Variants in NEDD4L observed in about 807,000 individuals in gnomAD.
The protein encoded by NEDD4L is E3 ubiquitin-protein ligase NEDD4-like.
A neutral mutation model predicts 148.9 loss-of-function variants in NEDD4L; 54 were observed. That is an observed-to-expected ratio of 0.36 (90% CI 0.29 to 0.45). The LOEUF (loss-of-function observed/expected upper bound fraction) is 0.45. Ranked by LOEUF, NEDD4L falls within the 20% of genes least tolerant of loss-of-function variation. The probability of loss-of-function intolerance (pLI) is 1.00; values close to 1 mark genes in which losing one functional copy is unlikely to be tolerated. For missense variants in NEDD4L, 856 were observed against 1,233.8 expected (o/e 0.69, Z 4.59); for synonymous variants, 433 against 440.7 (o/e 0.98, Z 0.22).
chr18:58,255,781 C>G, intron 5 of NEDD4L: 1 of 1,232,574 alleles, frequency 8.1e-7, no homozygotes, highest in Non-Finnish European at 1.0e-6. Flanking sequence ...CGCACCCCTT[C>G]GCCCAGAACG....
intron 1 of NEDD4L, among the ~76,000 whole-genome samples, chr18:58,153,333 A>G (rs1314755095): frequency 1.4e-5 from 2 of 138,650 alleles, no homozygotes; most frequent in Non-Finnish European, 3.1e-5. Flanking sequence ...GAAGAGATTG[A>G]CTTTTTTTTT....
At chr18:58,367,980 G>A (rs2046337161) in intron 22 of NEDD4L, 113 bp downstream of exon 22, 1 of 1,154,352 alleles carries the variant, frequency 8.7e-7, no homozygotes, top group Non-Finnish European at 1.2e-6. Context: ...TACTCATAAA[G>A]TATTTTTATG....
chr18:58,369,661 C>T (rs1237615716), intron 22 of NEDD4L, among the ~76,000 whole-genome samples: 1 of 152,126 alleles, frequency 6.6e-6, no homozygotes, highest in Non-Finnish European at 1.5e-5. Context: ...GGAGCAGAAG[C>T]AGGAGCCTGG....
At chr18:58,239,082 C>CATTA (rs1168667157) in intron 2 of NEDD4L, among the ~76,000 whole-genome samples, 1 of 152,174 alleles carries the variant, frequency 6.6e-6, no homozygotes, top group Non-Finnish European at 1.5e-5. Flanking sequence ...AACAAGTTGT[C>CATTA]ATTAACAAAA....
intron 15 of NEDD4L, 68 bp from the exon 16 acceptor site, chr18:58,342,838 C>G: frequency 7.8e-7 from 1 of 1,281,358 alleles, no homozygotes; most frequent in Non-Finnish European, 1.0e-6. Flanking sequence ...TCTGCAATAC[C>G]CAGGTACATT....
chr18:58,056,834 G>A (rs2082105656), intron 1 of NEDD4L, among the ~76,000 whole-genome samples: 1 of 150,196 alleles, frequency 6.7e-6, no homozygotes, highest in Admixed American at 6.6e-5. Context: ...ACCTGCCTCG[G>A]CCTACCAAAG....
chr18:58,225,339 C>A (rs1002193147), intron 2 of NEDD4L, among the ~76,000 whole-genome samples: 12 of 152,174 alleles, frequency 7.9e-5, no homozygotes, highest in African/African-American at 1.2e-4. Flanking sequence ...AGGGAAAAAA[C>A]CCCAGAAACT....
intron 19 of NEDD4L, among the ~76,000 whole-genome samples, chr18:58,363,004 G>A (rs964511052): frequency 6.6e-6 from 1 of 152,178 alleles, no homozygotes; most frequent in Non-Finnish European, 1.5e-5. Flanking sequence ...CTGTTGTTCA[G>A]TGGAAAATCA....
chr18:58,076,873 T>A (rs1183337010), intron 1 of NEDD4L, among the ~76,000 whole-genome samples: 1 of 148,800 alleles, frequency 6.7e-6, no homozygotes, highest in Non-Finnish European at 1.5e-5. Context: ...TTTTTTGAGA[T>A]GGAGTCTTGC....
Position 58,384,146 on chromosome 18 carries a change from A to G in NEDD4L, c.2426+827A>G, listed in dbSNP as rs1449435370. 3.3e-5 allele frequency among the ~76,000 whole-genome samples: 5 copies of G among 152,274 alleles called. No homozygotes were observed. In the East Asian group the frequency reaches 7.7e-4, roughly 24 times the overall value. On this transcript the variant is annotated intron_variant, in intron 25 of 30. Transcript: ENST00000400345. The stretch of plus-strand genomic sequence containing the variant: ...CCTTTCTTCTCATTTGGAATTGGTC[A>G]GAGGTCTTGAAATCAGACAGCTCTT...
At chr18:58,187,130 A>G (rs2039564360) in intron 2 of NEDD4L, among the ~76,000 whole-genome samples, 1 of 152,218 alleles carries the variant, frequency 6.6e-6, no homozygotes, top group Non-Finnish European at 1.5e-5. Flanking sequence ...AGGCTTTTCA[A>G]GACCCCACGG....
chr18:58,380,166 C>G (rs2048146477), intron 24 of NEDD4L, among the ~76,000 whole-genome samples: 1 of 151,328 alleles, frequency 6.6e-6, no homozygotes, highest in Non-Finnish European at 1.5e-5. Flanking sequence ...GTCACTTATT[C>G]CCAGTATCTC....
intron 1 of NEDD4L, among the ~76,000 whole-genome samples, chr18:58,080,778 A>G (rs894995758): frequency 6.6e-6 from 1 of 152,198 alleles, no homozygotes; most frequent in African/African-American, 2.4e-5. Context: ...TGGTGGAGTG[A>G]GTTGGAGCCT....
At chr18:58,253,159 A>C (rs1034965146) in intron 5 of NEDD4L, among the ~76,000 whole-genome samples, 9 of 152,192 alleles carry the variant, frequency 5.9e-5, no homozygotes, top group Non-Finnish European at 1.2e-4. Flanking sequence ...CTGGACGTTA[A>C]TAGAATATTT....
intron 1 of NEDD4L, among the ~76,000 whole-genome samples, chr18:58,117,142 CTT>C (rs1478054853): frequency 6.6e-6 from 1 of 152,216 alleles, no homozygotes; most frequent in African/African-American, 2.4e-5. Context: ...AGAACCGCCT[CTT>C]TGCTCAAGTG....
chr18:58,179,166 CGGT>C, intron 2 of NEDD4L, among the ~76,000 whole-genome samples: 1 of 152,246 alleles, frequency 6.6e-6, no homozygotes, highest in South Asian at 2.1e-4. Context: ...CTTTCTTCCA[CGGT>C]GGTGTACTGG....
Position 58,044,446 on chromosome 18 carries a change from G to C in NEDD4L, c.-215G>C. The C allele has an allele frequency of 4.3e-6, 2 of 465,806 alleles. No individual in the cohort carries two copies. Among genetic ancestry groups the C allele is most frequent in the East Asian group, 8.9e-5 (2 of 22,372 alleles). 28.9% of individuals were successfully genotyped at this position (465,806 alleles called of 1,614,324 possible). The stretch of plus-strand genomic sequence containing the variant: ...CGCTCTCGGGAGCCGCCCGCCCGCT[G>C]GTCCCGCAGCCTTCCGGGAGGAAGC... On this transcript the variant is annotated 5_prime_UTR_variant, in exon 1 of 31. Transcript: ENST00000400345.
At chr18:58,165,743 T>G (rs1343619352) in intron 1 of NEDD4L, 45 bp from the exon 2 acceptor site, 2 of 1,559,180 alleles carry the variant, frequency 1.3e-6, no homozygotes, top group South Asian at 1.1e-5. Context: ...AGTGATTGAT[T>G]GAAGATCAGG....
intron 3 of NEDD4L, among the ~76,000 whole-genome samples, chr18:58,248,388 C>G (rs2047526741): frequency 6.6e-6 from 1 of 152,078 alleles, no homozygotes; most frequent in African/African-American, 2.4e-5. Context: ...AAAAATAATT[C>G]ACTTTTGGCT....
Sources: allele counts gnomAD v4.1 joint callset (sites outside exome capture counted in the v4.1 genomes callset), GRCh38; gene constraint gnomAD v4.1.1; transcripts MANE v1.5; gene names NCBI Gene and HGNC (gene_info 2026-07-23, HGNC 2026-07-21).